KALRN: variants seen among roughly 807,000 people sequenced by gnomAD.
The protein encoded by KALRN is kalirin.
Under a neutral mutation model 353.7 loss-of-function variants are expected in KALRN, and 70 were observed. That is an observed-to-expected ratio of 0.20 (90% CI 0.16 to 0.24). The LOEUF (loss-of-function observed/expected upper bound fraction) is 0.24. KALRN is among the 10% of genes least tolerant of loss of function. The pLI is 1.00. For missense variants in KALRN, 2,791 were observed against 3,756.7 expected (o/e 0.74, Z 6.72); for synonymous variants, 1,391 against 1,434.8 (o/e 0.97, Z 0.69).
At position 124,723,484 on chromosome 3, in the gene KALRN, A is replaced by G. The variant is rs890849846; in HGVS notation, c.*4014A>G. The G allele has an allele frequency of 1.3e-5, 2 of 152,294 alleles. No individual in the cohort carries two copies. The highest frequency in any genetic ancestry group is 4.8e-5 in the African/African-American group (2 of 41,554). 9.4% of individuals were successfully genotyped at this position (152,294 alleles called of 1,614,324 possible). A position where few individuals can be genotyped will look rare whatever the true frequency, so the allele number is the denominator to read the frequency against. On this transcript the variant is annotated 3_prime_UTR_variant, in exon 60 of 60. Coordinates refer to ENST00000682506, the MANE Select transcript of KALRN (RefSeq NM_001388419.1). Reference sequence around the variant, plus strand: ...ACCTTGGTGGGGACATCTATAAAATACTTTGATTTTTTTAAGTGCTACACA... The same window carrying G: ...ACCTTGGTGGGGACATCTATAAAATGCTTTGATTTTTTTAAGTGCTACACA...
chr3:124,067,909 C>T (rs2042508287), intron 1 of KALRN, among the ~76,000 whole-genome samples: 1 of 152,210 alleles, frequency 6.6e-6, no homozygotes, highest in Non-Finnish European at 1.5e-5. Context: ...AGACTCCTGA[C>T]GTAGTCTTGT....
intron 34 of KALRN, among the ~76,000 whole-genome samples, chr3:124,592,071 C>T (rs139233947): frequency 0.01 from 1,548 of 152,208 alleles, 31 homozygotes; most frequent in African/African-American, 0.035. Context: ...GACGCTGAGG[C>T]AGGCAGATCA....
chr3:124,131,043 G>T (rs1323801172), intron 1 of KALRN, among the ~76,000 whole-genome samples: 1 of 152,124 alleles, frequency 6.6e-6, no homozygotes, highest in Non-Finnish European at 1.5e-5. Flanking sequence ...TATAACATAT[G>T]CAGAAATTCA....
intron 30 of KALRN, 62 bp from the exon 31 acceptor site, chr3:124,491,261 A>G: frequency 9.5e-7 from 1 of 1,055,894 alleles, no homozygotes; most frequent in South Asian, 1.7e-5. Context: ...TTCCCACCCC[A>G]GCCCTAAGTT....
chr3:124,038,615 AG>A (rs1421680925), intron 1 of KALRN, among the ~76,000 whole-genome samples: 2 of 152,250 alleles, frequency 1.3e-5, no homozygotes, highest in Non-Finnish European at 2.9e-5. Flanking sequence ...AAGGAAAAAA[AG>A]TAAGAAGATA....
chr3:124,441,174 A>T (rs2150585537), intron 18 of KALRN, among the ~76,000 whole-genome samples: 1 of 152,314 alleles, frequency 6.6e-6, no homozygotes, highest in African/African-American at 2.4e-5. Context: ...GGGTTAATAG[A>T]TGTGTTTACC....
chr3:124,391,105 A>T (rs2089301133), intron 11 of KALRN, among the ~76,000 whole-genome samples: 1 of 152,194 alleles, frequency 6.6e-6, no homozygotes, highest in African/African-American at 2.4e-5. Flanking sequence ...TGTAAGAAAG[A>T]ATGCACAAAA....
At chr3:124,201,536 A>G (rs2075940797) in intron 1 of KALRN, among the ~76,000 whole-genome samples, 1 of 152,242 alleles carries the variant, frequency 6.6e-6, no homozygotes, top group Non-Finnish European at 1.5e-5. Context: ...TTCCTGAAAT[A>G]GAATCCTTTG....
chr3:124,627,502 GA>G (rs1196712561), intron 34 of KALRN, among the ~76,000 whole-genome samples: 1 of 152,232 alleles, frequency 6.6e-6, no homozygotes, highest in Non-Finnish European at 1.5e-5. Flanking sequence ...CCATGGAACA[GA>G]AATCTTAGGC....
At chr3:124,227,677 T>G (rs996778911) in intron 1 of KALRN, among the ~76,000 whole-genome samples, 24 of 38,944 alleles carry the variant, frequency 6.2e-4, no homozygotes, top group Middle Eastern at 9.6e-3. Flanking sequence ...TTTTTTTTTT[T>G]TTTTTTTTTT....
chr3:124,309,255 A>G (rs1159338918), intron 6 of KALRN, among the ~76,000 whole-genome samples: 1 of 152,008 alleles, frequency 6.6e-6, no homozygotes, highest in Non-Finnish European at 1.5e-5. Flanking sequence ...CTTATATTAA[A>G]AAAAAAAAGA....
intron 1 of KALRN, among the ~76,000 whole-genome samples, chr3:124,178,364 G>T (rs892987128): frequency 1.3e-5 from 2 of 152,130 alleles, no homozygotes; most frequent in African/African-American, 4.8e-5. Context: ...ACAATTATAA[G>T]AATTATAGTC....
intron 1 of KALRN, among the ~76,000 whole-genome samples, chr3:124,182,151 G>A (rs1470345176): frequency 6.6e-6 from 1 of 152,222 alleles, no homozygotes; most frequent in African/African-American, 2.4e-5. Flanking sequence ...AGGTTAGAGA[G>A]AGGACTTTTT....
intron 5 of KALRN, among the ~76,000 whole-genome samples, chr3:124,276,471 C>T (rs190434349): frequency 1.2e-4 from 18 of 152,204 alleles, no homozygotes; most frequent in Admixed American, 1.3e-4. Flanking sequence ...TGACCAGAAC[C>T]AGTGGGGCTG....
chr3:124,127,400 A>G (rs1265955117), intron 1 of KALRN, among the ~76,000 whole-genome samples: 2 of 151,886 alleles, frequency 1.3e-5, no homozygotes, highest in African/African-American at 4.8e-5. Flanking sequence ...AGGTTTCTGG[A>G]CCCTACACTC....
intron 1 of KALRN, among the ~76,000 whole-genome samples, chr3:124,160,489 T>C (rs1224197663): frequency 6.6e-6 from 1 of 152,158 alleles, no homozygotes; most frequent in Non-Finnish European, 1.5e-5. Flanking sequence ...TTTGCTTTTA[T>C]GTGAGTGAAA....
chr3:124,701,389 T>C (rs1297657682), intron 56 of KALRN, among the ~76,000 whole-genome samples: 4 of 69,772 alleles, frequency 5.7e-5, no homozygotes, highest in African/African-American at 1.5e-4. Flanking sequence ...TCTTTCTTTC[T>C]TTTTTTTTTT....
chr3:124,672,237 T>C (rs566835276), intron 48 of KALRN, among the ~76,000 whole-genome samples: 71 of 152,314 alleles, frequency 4.7e-4, no homozygotes, highest in Middle Eastern at 3.4e-3. Flanking sequence ...TGTGAGCCAC[T>C]GCACCCGGCC....
At chr3:124,262,018 AT>A (rs2072942318) in intron 3 of KALRN, among the ~76,000 whole-genome samples, 1 of 152,122 alleles carries the variant, frequency 6.6e-6, no homozygotes, top group Non-Finnish European at 1.5e-5. Context: ...AAATTTAAAT[AT>A]AATATAATAT....
Sources: allele counts gnomAD v4.1 joint callset (sites outside exome capture counted in the v4.1 genomes callset), GRCh38; gene constraint gnomAD v4.1.1; transcripts MANE v1.5; gene names NCBI Gene and HGNC (gene_info 2026-07-23, HGNC 2026-07-21).